TLL1: variants seen among roughly 807,000 people sequenced by gnomAD.
TLL1 encodes the protein tolloid like 1.
Under a neutral mutation model 128.2 loss-of-function variants are expected in TLL1, and 49 were observed. The ratio of observed to expected loss-of-function variants is 0.38; its 90% CI spans 0.30 to 0.48. The LOEUF (loss-of-function observed/expected upper bound fraction) is 0.48. Ranked by LOEUF, TLL1 falls within the 20% of genes least tolerant of loss-of-function variation. TLL1 has a pLI of 0.96. For missense variants in TLL1, 1,123 were observed against 1,242.0 expected (o/e 0.90, Z 1.44); for synonymous variants, 454 against 418.8 (o/e 1.08, Z -1.03).
chr4:165,880,729 A>G (rs538339874), intron 1 of TLL1, among the ~76,000 whole-genome samples: 78 of 152,312 alleles, frequency 5.1e-4, no homozygotes, highest in Non-Finnish European at 9.7e-4. Context: ...TGAGTTTTCC[A>G]TTGACGACAT....
At chr4:166,094,157 T>C (rs1034916561) in intron 19 of TLL1, among the ~76,000 whole-genome samples, 1 of 152,164 alleles carries the variant, frequency 6.6e-6, no homozygotes, top group African/African-American at 2.4e-5. Flanking sequence ...TTTACATAGA[T>C]ATTTGAATCC....
At chr4:165,899,678 C>G (rs1731862853) in intron 1 of TLL1, among the ~76,000 whole-genome samples, 2 of 152,132 alleles carry the variant, frequency 1.3e-5, no homozygotes, top group South Asian at 4.1e-4. Flanking sequence ...TGATGTGGTG[C>G]TGAGAAGAAT....
chr4:166,057,820 T>C (rs1740102505), intron 14 of TLL1, among the ~76,000 whole-genome samples: 1 of 152,102 alleles, frequency 6.6e-6, no homozygotes, highest in Non-Finnish European at 1.5e-5. Context: ...GAGAACAGCA[T>C]GGAAAAGACT....
At chr4:166,077,354 T>A (rs1229771076) in intron 17 of TLL1, among the ~76,000 whole-genome samples, 1 of 152,166 alleles carries the variant, frequency 6.6e-6, no homozygotes, top group Admixed American at 6.5e-5. Context: ...TCCATTTGCT[T>A]TGATAAAATT....
At chr4:165,906,631 G>T (rs376388198) in intron 1 of TLL1, among the ~76,000 whole-genome samples, 1 of 152,228 alleles carries the variant, frequency 6.6e-6, no homozygotes, top group East Asian at 1.9e-4. Flanking sequence ...AAGGAGATAA[G>T]ATATATTTAA....
chr4:166,060,139 A>C lies in TLL1; in HGVS notation c.1958A>C (p.Gln653Pro), dbSNP rs914764758. The change falls in exon 15 of 21, where the codon CAG (glutamine) becomes CCG (proline). Residue 653 changes from glutamine to proline, a missense_variant. Gln to Pro is a moderately conservative substitution (Grantham distance 76, BLOSUM62 -1). Transcript: ENST00000061240. ...GTGTGGCAAGTGGTTGCACCAACCCAGTACAGAATTTCTGTGAAGTTTGAG... is the reference window on the plus strand; with the variant it reads ...GTGTGGCAAGTGGTTGCACCAACCCCGTACAGAATTTCTGTGAAGTTTGAG... ...NCVWQVVAPTQYRISVKFEFF... is the reference protein window; with the variant it reads ...NCVWQVVAPTPYRISVKFEFF... 3.1e-6 allele frequency: 5 copies of C among 1,613,892 alleles called. No individual in the cohort carries two copies. The highest frequency in any genetic ancestry group is 2.2e-5 in the East Asian group (1 of 44,828).
chr4:166,042,715 C>T (rs547332214), intron 11 of TLL1, among the ~76,000 whole-genome samples: 42 of 152,274 alleles, frequency 2.8e-4, no homozygotes, highest in African/African-American at 9.6e-4. Context: ...CCTAGTACAG[C>T]AGTTTAAGTA....
rs2646915 is a variant in TLL1 at position 166,090,911 on chromosome 4, G to A, written c.2443-217G>A. The stretch of plus-strand genomic sequence containing the variant: ...GAATTGGTTTTAATAGCCAAATAGT[G>A]GAATTTCATATGAAGTTATTACATT... On this transcript the variant is annotated intron_variant, in intron 18 of 20. Transcript: ENST00000061240. Among the ~76,000 whole-genome samples, 148,227 of 152,164 alleles carry A rather than the reference G, an allele frequency of 0.97. 72,320 individuals are homozygous for A. Among genetic ancestry groups the A allele is most frequent in the East Asian group, 1 (5,167 of 5,168 alleles).
At chr4:165,911,488 T>C (rs1212088984) in intron 1 of TLL1, among the ~76,000 whole-genome samples, 1 of 152,202 alleles carries the variant, frequency 6.6e-6, no homozygotes, top group Non-Finnish European at 1.5e-5. Context: ...GAGAATAGTC[T>C]AAGCCTAAAA....
In TLL1 at chr4:166,091,243, T is replaced by C; in HGVS notation, c.2558T>C (p.Ile853Thr). ...CTTGGACGACTGTGTGGCAACAAGATACCAGATCCCCTTGTGGCTACTGGA... is the reference window on the plus strand; with the variant it reads ...CTTGGACGACTGTGTGGCAACAAGACACCAGATCCCCTTGTGGCTACTGGA... ...PILGRLCGNK[I>T]PDPLVATGNK... is the part of the protein sequence containing the mutation. Residue 853 changes from isoleucine (I) to threonine (T), a missense_variant, in exon 19 of 21, where the codon ATA (isoleucine) becomes ACA (threonine). Transcript: ENST00000061240. 6.2e-7 allele frequency: 1 copy of C among 1,613,328 alleles called. No homozygotes were observed. The highest frequency in any genetic ancestry group is 2.2e-5 in the East Asian group (1 of 44,736).
chr4:166,099,504 C>G lies in TLL1; in HGVS notation c.2884C>G (p.Leu962Val), dbSNP rs778294639. ...TGGTCTTGATTCAACAGCTGTGGGG[C>G]TTGGTCGATTCTGTGGATCCGGGGT... Reference protein sequence around the residue: ...FDGLDSTAVGLGRFCGSGPPE... With the variant: ...FDGLDSTAVGVGRFCGSGPPE... The change falls in exon 20 of 21, where the codon CTT becomes GTT. Residue 962 changes from leucine (L) to valine (V), a missense_variant. Leu to Val is a conservative substitution (Grantham distance 32). Around this residue, in one of 3 missense-constraint regions of TLL1, gnomAD observed 634 missense variants for 672.4 expected, o/e 0.94. Transcript: ENST00000061240. The G allele has an allele frequency of 1.9e-5, 30 of 1,612,988 alleles. No individual in the cohort carries two copies. The highest frequency in any genetic ancestry group is 2.5e-5 in the Non-Finnish European group (30 of 1,179,568).
chr4:166,005,885 G>T (rs12331800), intron 6 of TLL1, among the ~76,000 whole-genome samples: 1 of 151,730 alleles, frequency 6.6e-6, no homozygotes, highest in Non-Finnish European at 1.5e-5. Flanking sequence ...AAATAAATGC[G>T]CAATCCTAAA....
chr4:166,060,897 G>C (rs901027650), intron 15 of TLL1, among the ~76,000 whole-genome samples: 1 of 152,152 alleles, frequency 6.6e-6, no homozygotes, highest in African/African-American at 2.4e-5. Context: ...TAATTCCAGA[G>C]GAAAGGTTAT....
At chr4:165,892,573 C>T (rs1033868334) in intron 1 of TLL1, among the ~76,000 whole-genome samples, 1 of 152,046 alleles carries the variant, frequency 6.6e-6, no homozygotes, top group African/African-American at 2.4e-5. Flanking sequence ...AGCATTGATC[C>T]CTTTATGCCT....
chr4:165,938,326 T>G (rs558745233), intron 1 of TLL1, among the ~76,000 whole-genome samples: 1 of 152,242 alleles, frequency 6.6e-6, no homozygotes, highest in East Asian at 1.9e-4. Context: ...TTCATGATCT[T>G]GATTTTATTC....
At chr4:165,901,748 G>C (rs546402313) in intron 1 of TLL1, among the ~76,000 whole-genome samples, 1 of 152,202 alleles carries the variant, frequency 6.6e-6, no homozygotes, top group African/African-American at 2.4e-5. Flanking sequence ...GAGGCAGTCT[G>C]TTCCTTAGCA....
intron 1 of TLL1, among the ~76,000 whole-genome samples, chr4:165,882,616 A>C (rs1731010111): frequency 6.6e-6 from 1 of 151,836 alleles, no homozygotes; most frequent in Non-Finnish European, 1.5e-5. Context: ...GTGTTGCTTT[A>C]TGTTTCTTTC....
chr4:166,071,483 T>C (rs1283805264), intron 16 of TLL1, among the ~76,000 whole-genome samples: 1 of 152,004 alleles, frequency 6.6e-6, no homozygotes, highest in African/African-American at 2.4e-5. Flanking sequence ...AACATTTATT[T>C]CTAGCACTAA....
At chr4:165,941,548 T>C (rs1579516756) in intron 1 of TLL1, among the ~76,000 whole-genome samples, 2 of 152,286 alleles carry the variant, frequency 1.3e-5, no homozygotes, top group African/African-American at 4.8e-5. Flanking sequence ...TGTAATTCAT[T>C]GTTGCTGAGA....
Sources: gnomAD v4.1 joint callset for allele counts (sites outside exome capture counted in the v4.1 genomes callset) on GRCh38, gnomAD v4.1.1 for gene constraint, gnomAD v4.1.1 regional missense constraint, MANE v1.5 for transcripts, NCBI Gene and HGNC (gene_info 2026-07-23, HGNC 2026-07-21) for gene names.